The following OR5A1 variants were observed in gnomAD, a reference collection of about 807,000 sequenced individuals.
The protein encoded by OR5A1 is olfactory receptor 5A1.
In OR5A1, 6 loss-of-function variants were observed where a neutral mutation model predicts 6.7. The observed-to-expected ratio is 0.89, with a 90% CI of 0.49 to 1.76. OR5A1 has a LOEUF of 1.76. OR5A1 is among the 40% of genes most tolerant of loss of function. OR5A1 has a pLI of 0.01. For missense variants in OR5A1, 378 were observed against 381.7 expected (o/e 0.99, Z 0.08); for synonymous variants, 170 against 155.0 (o/e 1.10, Z -0.72).
intron 1 of OR5A1, among the ~76,000 whole-genome samples, chr11:59,440,146 C>A (rs914057264): frequency 1.3e-5 from 2 of 152,222 alleles, no homozygotes; most frequent in Non-Finnish European, 2.9e-5. Flanking sequence ...TAACTGCAGC[C>A]TCAACCTTGT....
Position 59,444,030 on chromosome 11 carries a change from C to G in OR5A1, c.862C>G (p.Leu288Val), listed in dbSNP as rs376670622. The change falls in exon 2 of 2, where the codon CTG (leucine) becomes GTG (valine). Residue 288 changes from leucine to valine, a missense_variant. Leu to Val is a conservative substitution (Grantham distance 32, BLOSUM62 1). Transcript: ENST00000641045. ...SVFYSLVIPM[L>V]NPLIYSLRNK... ...TTTCTATTCATTGGTGATCCCCATG[C>G]TGAACCCTCTCATTTACAGTTTGAG... is the stretch of plus-strand genomic sequence containing the variant. 6.2e-7 allele frequency: 1 copy of G among 1,614,068 alleles called. No homozygotes were observed. The highest frequency in any genetic ancestry group is 8.5e-7 in the Non-Finnish European group (1 of 1,179,956).
chr11:59,444,200 G>A lies in OR5A1; in HGVS notation c.*84G>A, dbSNP rs928499084. The A allele has an allele frequency of 2.3e-6, 2 of 885,386 alleles. No individual in the cohort carries two copies. The highest frequency in any genetic ancestry group is 2.1e-5 in the Admixed American group (1 of 47,098). The allele number at this position is 885,386 out of a possible 1,614,324, so 54.8% of individuals were successfully genotyped here. On this transcript the variant is annotated 3_prime_UTR_variant, in exon 2 of 2. Coordinates refer to ENST00000641045, the MANE Select transcript of OR5A1 (RefSeq NM_001004728.2). ...ACCTCCACCTCTGCCTCAGGCAAGGGAGATATTTGGTGCTCTCATTTGTGG... is the reference window on the plus strand; with the variant it reads ...ACCTCCACCTCTGCCTCAGGCAAGGAAGATATTTGGTGCTCTCATTTGTGG...
In OR5A1 at chr11:59,445,496, A is replaced by G. The variant is rs1003512443; in HGVS notation, c.*1380A>G. 6.6e-6 allele frequency: 1 copy of G among 152,288 alleles called. No homozygotes were observed. Among genetic ancestry groups the G allele is most frequent in the South Asian group, 2.1e-4 (1 of 4,826 alleles). 9.4% of individuals were successfully genotyped at this position (152,288 alleles called of 1,614,324 possible). A position where few individuals can be genotyped will look rare whatever the true frequency, so the allele number is the denominator to read the frequency against. ...CACATGCATGTATATTTATAATAGAATTATTTATATTCCTTTGGATATATA... is the reference window on the plus strand; with the variant it reads ...CACATGCATGTATATTTATAATAGAGTTATTTATATTCCTTTGGATATATA... On this transcript the variant is annotated 3_prime_UTR_variant, in exon 2 of 2. Coordinates refer to ENST00000641045, the MANE Select transcript of OR5A1 (RefSeq NM_001004728.2).
At position 59,447,215 on chromosome 11, in the gene OR5A1, T is replaced by A. The variant is rs1189915505; in HGVS notation, c.*3099T>A. Reference sequence around the variant, plus strand: ...AAGTGGGCCCCTGATTAGGTTGAAGTGGGGAGGTTTTATAGTGGCAGCCAA... The same window carrying A: ...AAGTGGGCCCCTGATTAGGTTGAAGAGGGGAGGTTTTATAGTGGCAGCCAA... On this transcript the variant is annotated 3_prime_UTR_variant, in exon 2 of 2. Transcript: ENST00000641045. 2 of 152,188 alleles carry A rather than the reference T, an allele frequency of 1.3e-5. No homozygotes were observed. The highest frequency in any genetic ancestry group is 2.9e-5 in the Non-Finnish European group (2 of 68,018). 9.4% of individuals were successfully genotyped at this position (152,188 alleles called of 1,614,324 possible).
chr11:59,450,767 G>A lies in OR5A1; in HGVS notation c.*6651G>A, dbSNP rs1252744633. 2 of 152,144 alleles carry A rather than the reference G, an allele frequency of 1.3e-5. No homozygotes were observed. The highest frequency in any genetic ancestry group is 4.8e-5 in the African/African-American group (2 of 41,436). 9.4% of individuals were successfully genotyped at this position (152,144 alleles called of 1,614,324 possible). On this transcript the variant is annotated 3_prime_UTR_variant, in exon 2 of 2. Transcript: ENST00000641045. ...ATATTTTTCCCAAAAATAACATCAT[G>A]TGACATATTCAGTGTTTTAATCTGT...
At chr11:59,439,631 A>C (rs7943445) in intron 1 of OR5A1, among the ~76,000 whole-genome samples, 2 of 152,280 alleles carry the variant, frequency 1.3e-5, no homozygotes. Context: ...TATGTGGGAA[A>C]AAAACTCTAC....
intron 1 of OR5A1, among the ~76,000 whole-genome samples, chr11:59,442,442 CA>C (rs917064141): frequency 1.4e-5 from 2 of 147,212 alleles, no homozygotes; most frequent in African/African-American, 2.5e-5. Context: ...AACTCCATCT[CA>C]AAAAAAAATA....
chr11:59,443,850 G>T lies in OR5A1; in HGVS notation c.682G>T (p.Val228Phe). ...CTCCTATGGTTACATAGTGTCTGCG[G>T]TCCTGAAGATCCCTTCAGCAGAGGG... ...LISYGYIVSA[V>F]LKIPSAEGRW... is the part of the protein sequence containing the mutation. The change falls in exon 2 of 2, where the codon GTC becomes TTC. Residue 228 changes from valine to phenylalanine, a missense_variant. Val to Phe is a conservative substitution (Grantham distance 50). Coordinates refer to ENST00000641045, the MANE Select transcript of OR5A1 (RefSeq NM_001004728.2). The T allele has an allele frequency of 6.2e-7, 1 of 1,614,070 alleles. No individual in the cohort carries two copies. Among genetic ancestry groups the T allele is most frequent in the Non-Finnish European group, 8.5e-7 (1 of 1,180,000 alleles).
rs1475795017 is a variant in OR5A1, at chr11:59,445,972, G to A, written c.*1856G>A. On this transcript the variant is annotated 3_prime_UTR_variant, in exon 2 of 2. Transcript: ENST00000641045. ...CATTCTAATGATAGCTTCTTTTGCA[G>A]AATCTCTTTAGTTTAATTAGATCCC... 6.6e-6 allele frequency: 1 copy of A among 152,104 alleles called. No individual in the cohort carries two copies. Among genetic ancestry groups the A allele is most frequent in the Non-Finnish European group, 1.5e-5 (1 of 68,022 alleles). 9.4% of individuals were successfully genotyped at this position (152,104 alleles called of 1,614,324 possible).
In OR5A1 at chr11:59,444,910, A is replaced by G. The variant is rs1432391510; in HGVS notation, c.*794A>G. On this transcript the variant is annotated 3_prime_UTR_variant, in exon 2 of 2. Coordinates refer to ENST00000641045, the MANE Select transcript of OR5A1 (RefSeq NM_001004728.2). ...GTCATACCAATACTCTTCTTTTCTC[A>G]GTCTCAGTCCCCTAAACTGCCTATC... 1 of 152,124 alleles carries G rather than the reference A, an allele frequency of 6.6e-6. No individual in the cohort carries two copies. Among genetic ancestry groups the G allele is most frequent in the East Asian group, 1.9e-4 (1 of 5,204 alleles). 9.4% of individuals were successfully genotyped at this position (152,124 alleles called of 1,614,324 possible).
At chr11:59,438,868 G>A (rs560076002) in intron 1 of OR5A1, among the ~76,000 whole-genome samples, 33 of 152,286 alleles carry the variant, frequency 2.2e-4, no homozygotes, top group African/African-American at 7.9e-4. Context: ...TTGAATTAAA[G>A]TCTTGACCCC....
chr11:59,438,065 T>G (rs142319807), intron 1 of OR5A1, among the ~76,000 whole-genome samples: 322 of 152,282 alleles, frequency 2.1e-3, no homozygotes, highest in African/African-American at 7.4e-3. Flanking sequence ...TCTCACCATA[T>G]GAGATGTCTA....
Position 59,444,217 on chromosome 11 carries a change from C to A in OR5A1, c.*101C>A. ...AGGCAAGGGAGATATTTGGTGCTCT[C>A]ATTTGTGGAGACTCTTCCCTCCAGA... On this transcript the variant is annotated 3_prime_UTR_variant, in exon 2 of 2. Transcript: ENST00000641045. The A allele has an allele frequency of 7.1e-6, 5 of 708,904 alleles. No homozygotes were observed. The highest frequency in any genetic ancestry group is 1.2e-5 in the Non-Finnish European group (5 of 432,932). The allele number at this position is 708,904 out of a possible 1,614,324, so 43.9% of individuals were successfully genotyped here.
Position 59,447,691 on chromosome 11 carries a change from T to C in OR5A1, c.*3575T>C, listed in dbSNP as rs1858567900. 1 of 152,192 alleles carries C rather than the reference T, an allele frequency of 6.6e-6. No homozygotes were observed. Among genetic ancestry groups the C allele is most frequent in the Admixed American group, 6.5e-5 (1 of 15,272 alleles). 9.4% of individuals were successfully genotyped at this position (152,192 alleles called of 1,614,324 possible). A position where few individuals can be genotyped will look rare whatever the true frequency, so the allele number is the denominator to read the frequency against. On this transcript the variant is annotated 3_prime_UTR_variant, in exon 2 of 2. Transcript: ENST00000641045. ...AAGCAGGGAGACAAAAATCAAAATATCAGTTTAATAATGTTAAATCGACAG... is the reference window on the plus strand; with the variant it reads ...AAGCAGGGAGACAAAAATCAAAATACCAGTTTAATAATGTTAAATCGACAG...
rs150991894 is a variant in OR5A1 at position 59,443,684 on chromosome 11, C to T, written c.516C>T (p.Cys172=). Reference sequence around the variant, plus strand: ...GCTCCATATTTAGGCTTCACTTTTGCGGACCCAACATCATCAACCACTTCT... The same window carrying T: ...GCTCCATATTTAGGCTTCACTTTTGTGGACCCAACATCATCAACCACTTCT... ...QASSIFRLHF[C]GPNIINHFFC... is the part of the protein sequence containing the mutation. The change falls in exon 2 of 2, where the codon TGC becomes TGT. Residue 172 remains cysteine (C), a synonymous_variant. Coordinates refer to ENST00000641045, the MANE Select transcript of OR5A1 (RefSeq NM_001004728.2). 1.2e-4 allele frequency: 192 copies of T among 1,613,956 alleles called. 1 individual carries two copies. Among genetic ancestry groups the T allele is most frequent in the Admixed American group, 5.0e-5 (3 of 60,000 alleles).
chr11:59,438,581 C>T (rs1209400584), intron 1 of OR5A1, among the ~76,000 whole-genome samples: 2 of 152,154 alleles, frequency 1.3e-5, no homozygotes, highest in Non-Finnish European at 2.9e-5. Flanking sequence ...AATATTGGTT[C>T]TTCTCTACTG....
Position 59,437,172 on chromosome 11 carries a change from G to A in OR5A1, c.-34+337G>A, listed in dbSNP as rs139166053. On this transcript the variant is annotated intron_variant, in intron 1 of 1. Transcript: ENST00000641045. ...TGTTACAATCAATGAACCTACATTG[G>A]CAAATTATTATCACCCAAAATCCAT... Among the ~76,000 whole-genome samples the A allele has an allele frequency of 1.4e-3, 207 of 152,196 alleles. 1 individual carries two copies. Among genetic ancestry groups the A allele is most frequent in the African/African-American group, 4.6e-3 (190 of 41,526 alleles).
In OR5A1 at chr11:59,447,371, G is replaced by A. The variant is rs1858562770; in HGVS notation, c.*3255G>A. On this transcript the variant is annotated 3_prime_UTR_variant, in exon 2 of 2. Transcript: ENST00000641045. ...TGTAGGCCCAGAAGCAGAGGCCACAGCTATGCCTAGAACTACAGAACAACT... is the reference window on the plus strand; with the variant it reads ...TGTAGGCCCAGAAGCAGAGGCCACAACTATGCCTAGAACTACAGAACAACT... 6.6e-6 allele frequency: 1 copy of A among 152,208 alleles called. No individual in the cohort carries two copies. Among genetic ancestry groups the A allele is most frequent in the Admixed American group, 6.5e-5 (1 of 15,274 alleles). 9.4% of individuals were successfully genotyped at this position (152,208 alleles called of 1,614,324 possible).
Position 59,446,391 on chromosome 11 carries a change from T to G in OR5A1, c.*2275T>G, listed in dbSNP as rs1173218951. On this transcript the variant is annotated 3_prime_UTR_variant, in exon 2 of 2. Transcript: ENST00000641045. ...CATGTTGTTTTGGTTACCATAGACT[T>G]GTAGTATAGTTTGAAGTCAGGGAGT... is the stretch of plus-strand genomic sequence containing the variant. The G allele has an allele frequency of 6.6e-6, 1 of 152,364 alleles. No homozygotes were observed. The highest frequency in any genetic ancestry group is 2.4e-5 in the African/African-American group (1 of 41,580). The allele number at this position is 152,364 out of a possible 1,614,324, so 9.4% of individuals were successfully genotyped here.
Sources: gnomAD v4.1 joint callset for allele counts (sites outside exome capture counted in the v4.1 genomes callset) on GRCh38, gnomAD v4.1.1 for gene constraint, MANE v1.5 for transcripts, NCBI Gene and HGNC (gene_info 2026-07-23, HGNC 2026-07-21) for gene names.